EMILIN2: variants seen among roughly 807,000 people sequenced by gnomAD.
EMILIN2 encodes EMILIN-2.
EMILIN2 carries 71 observed loss-of-function variants against 87.1 expected under a neutral mutation model. The ratio of observed to expected loss-of-function variants is 0.82; its 90% CI spans 0.67 to 0.99. EMILIN2 has a LOEUF of 0.99. EMILIN2 is among the 50% of genes least tolerant of loss of function. The probability of loss-of-function intolerance (pLI) is 0.00; values close to 1 mark genes in which losing one functional copy is unlikely to be tolerated. For missense variants in EMILIN2, 1,407 were observed against 1,371.8 expected (o/e 1.03, Z -0.40); for synonymous variants, 581 against 563.4 (o/e 1.03, Z -0.44).
chr18:2,903,095 G>A (rs2076895277), intron 4 of EMILIN2, among the ~76,000 whole-genome samples: 2 of 150,836 alleles, frequency 1.3e-5, no homozygotes, highest in South Asian at 2.1e-4. Flanking sequence ...GGGCTAAAAG[G>A]AAGAAACTAG....
intron 2 of EMILIN2, 30 bp from the exon 3 acceptor site, chr18:2,884,934 A>AT (rs1424507575): frequency 6.4e-7 from 1 of 1,550,554 alleles, no homozygotes; most frequent in African/African-American, 1.4e-5. Context: ...GGCAGCCAGT[A>AT]AAGAGAGATG....
rs753356543 is a variant in EMILIN2 at position 2,913,170 on chromosome 18, C to T, written c.2928C>T (p.Ser976=). 17 of 1,613,908 alleles carry T rather than the reference C, an allele frequency of 1.1e-5. 1 individual carries two copies. The South Asian group carries it at 1.3e-4, about 13-fold the overall frequency. ...CAGTGCTGTCGGTCTCCAACGCCAGCGTGGCCCAGCTGCATACCGCTGGGT... is the reference window on the plus strand; with the variant it reads ...CAGTGCTGTCGGTCTCCAACGCCAGTGTGGCCCAGCTGCATACCGCTGGGT... The part of the protein sequence containing the change: ...VEAVLSVSNA[S]VAQLHTAGYR... Residue 976 remains serine, a synonymous_variant, in exon 8 of 8, where the codon AGC becomes AGT. Coordinates refer to ENST00000254528, the MANE Select transcript of EMILIN2 (RefSeq NM_032048.3).
intron 2 of EMILIN2, among the ~76,000 whole-genome samples, chr18:2,862,042 A>G (rs1208829415): frequency 1.3e-5 from 2 of 152,106 alleles, no homozygotes; most frequent in African/African-American, 4.8e-5. Flanking sequence ...TTTGTCTGTT[A>G]TTGGTGTATA....
At position 2,862,688 on chromosome 18, in the gene EMILIN2, T is replaced by C. The variant is rs182860776; in HGVS notation, c.257+14757T>C. Among the ~76,000 whole-genome samples, 774 of 152,326 alleles carry C rather than the reference T, an allele frequency of 5.1e-3. 8 individuals carry two copies. Among genetic ancestry groups the C allele is most frequent in the African/African-American group, 0.017 (708 of 41,564 alleles). Reference sequence around the variant, plus strand: ...ATATTGGTCTAAAATTCTCTTTTTTTTGTTGTGTCTCTGCCAGGTTTTGGT... The same window carrying C: ...ATATTGGTCTAAAATTCTCTTTTTTCTGTTGTGTCTCTGCCAGGTTTTGGT... On this transcript the variant is annotated intron_variant, in intron 2 of 7. Transcript: ENST00000254528.
At chr18:2,860,103 A>G (rs1455446798) in intron 2 of EMILIN2, among the ~76,000 whole-genome samples, 3 of 152,192 alleles carry the variant, frequency 2.0e-5, no homozygotes, top group Non-Finnish European at 4.4e-5. Flanking sequence ...AGTTCTGTGA[A>G]GAATGATGGT....
chr18:2,858,605 G>GTGTA lies in EMILIN2; in HGVS notation c.257+10675_257+10676insGTAT, dbSNP rs1555665480. Among the ~76,000 whole-genome samples the GTGTA allele has an allele frequency of 5.8e-5, 5 of 86,164 alleles. 1 individual carries two copies. Among genetic ancestry groups the GTGTA allele is most frequent in the East Asian group, 2.3e-4 (1 of 4,326 alleles). The allele number at this position is 86,164 out of a possible 152,430, so 56.5% of individuals were successfully genotyped here. On this transcript the variant is annotated intron_variant, in intron 2 of 7. Coordinates refer to ENST00000254528, the MANE Select transcript of EMILIN2 (RefSeq NM_032048.3). Reference sequence around the variant, plus strand: ...TGTGTATATATATATATATATATGTGTATATATATATATGTTCCACAGTTT... The same window carrying GTGTA: ...TGTGTATATATATATATATATATGTGTGTATATATATATATATGTTCCACAGTTT...
At chr18:2,900,427 A>G (rs528107909) in intron 4 of EMILIN2, among the ~76,000 whole-genome samples, 9 of 152,336 alleles carry the variant, frequency 5.9e-5, no homozygotes, top group South Asian at 4.1e-4. Flanking sequence ...GCCTCAAGCA[A>G]TCCTCCCACT....
rs570221710 is a variant in EMILIN2 at position 2,862,995 on chromosome 18, T to C, written c.257+15064T>C. Among the ~76,000 whole-genome samples, 11 of 152,374 alleles carry C rather than the reference T, an allele frequency of 7.2e-5. No individual in the cohort carries two copies. The South Asian group carries it at 1.9e-3, about 26-fold the overall frequency. ...ATTTATCCATTTCTTCTAGATTTTC[T>C]AGTTTATTTGCGTAGAGATGTTTAT... On this transcript the variant is annotated intron_variant, in intron 2 of 7. Coordinates refer to ENST00000254528, the MANE Select transcript of EMILIN2 (RefSeq NM_032048.3).
At chr18:2,884,866 G>A in intron 2 of EMILIN2, 98 bp from the exon 3 acceptor site, 1 of 1,315,158 alleles carries the variant, frequency 7.6e-7, no homozygotes, top group Non-Finnish European at 1.0e-6. Flanking sequence ...GAGCAGGCAG[G>A]GTCCTGCATG....
At chr18:2,867,138 A>T (rs897864262) in intron 2 of EMILIN2, among the ~76,000 whole-genome samples, 6 of 151,984 alleles carry the variant, frequency 3.9e-5, no homozygotes, top group African/African-American at 1.4e-4. Flanking sequence ...TTCATCAGGG[A>T]TATTGGTCTG....
intron 2 of EMILIN2, among the ~76,000 whole-genome samples, chr18:2,863,526 T>G (rs2076671646): frequency 6.6e-6 from 1 of 150,696 alleles, no homozygotes; most frequent in Non-Finnish European, 1.5e-5. Context: ...GTAGTTGAGC[T>G]GTTTTGAGTG....
chr18:2,904,685 C>T (rs1430550771), intron 4 of EMILIN2, among the ~76,000 whole-genome samples: 5 of 152,190 alleles, frequency 3.3e-5, no homozygotes, highest in Non-Finnish European at 7.4e-5. Context: ...TGTTTATTTT[C>T]TTGCACTGTG....
chr18:2,897,879 A>G (rs1256014159), intron 4 of EMILIN2, among the ~76,000 whole-genome samples: 1 of 150,038 alleles, frequency 6.7e-6, no homozygotes, highest in Non-Finnish European at 1.5e-5. Context: ...AAAAAAAAAA[A>G]GCCTAGAGAT....
Position 2,847,741 on chromosome 18 carries a change from C to G in EMILIN2, c.135-68C>G, listed in dbSNP as rs1252860089. 6.4e-7 allele frequency: 1 copy of G among 1,567,358 alleles called. No homozygotes were observed. On this transcript the variant is annotated intron_variant, in intron 1 of 7. Transcript: ENST00000254528. The surrounding 1 kb of genome is among the most constrained non-coding windows in gnomAD (Gnocchi z 4.5). ...TCGCTCGGTCTGGTGCCGCAGTCCC[C>G]TCTCCCCTGGCCTCATTGTTCTCCG... is the stretch of plus-strand genomic sequence containing the variant.
At chr18:2,872,385 G>GT (rs933591822) in intron 2 of EMILIN2, among the ~76,000 whole-genome samples, 1 of 152,046 alleles carries the variant, frequency 6.6e-6, no homozygotes, top group African/African-American at 2.4e-5. Flanking sequence ...TTTGAAATTG[G>GT]TTTTTTTAAA....
At chr18:2,867,045 A>T (rs925384576) in intron 2 of EMILIN2, among the ~76,000 whole-genome samples, 4 of 152,076 alleles carry the variant, frequency 2.6e-5, no homozygotes, top group African/African-American at 7.2e-5. Flanking sequence ...CTGGTATGAA[A>T]CCCACTTGAT....
At chr18:2,861,872 G>A (rs1362473385) in intron 2 of EMILIN2, among the ~76,000 whole-genome samples, 6 of 152,134 alleles carry the variant, frequency 3.9e-5, no homozygotes, top group African/African-American at 1.4e-4. Context: ...TGAGCATGGA[G>A]TGTTCTTCCA....
chr18:2,853,755 G>A (rs1260019099), intron 2 of EMILIN2, among the ~76,000 whole-genome samples: 1 of 152,168 alleles, frequency 6.6e-6, no homozygotes, highest in African/African-American at 2.4e-5. Context: ...CAGCCGGGCT[G>A]AGCACCCTGA....
In EMILIN2 at chr18:2,884,155, A is replaced by G. The variant is rs543219210; in HGVS notation, c.258-809A>G. ...GTATTTTTAGTAGAGACGGGGTTTC[A>G]CCGTGTTAGCCAGGATGGTCTCGAT... On this transcript the variant is annotated intron_variant, in intron 2 of 7. Coordinates refer to ENST00000254528, the MANE Select transcript of EMILIN2 (RefSeq NM_032048.3). 2.0e-5 allele frequency among the ~76,000 whole-genome samples: 3 copies of G among 152,236 alleles called. No individual in the cohort carries two copies. In the East Asian group the frequency reaches 5.8e-4, roughly 30 times the overall value.
Sources: allele counts gnomAD v4.1 joint callset (sites outside exome capture counted in the v4.1 genomes callset), GRCh38; gene constraint gnomAD v4.1.1; non-coding constraint Gnocchi (gnomAD v3.1); transcripts MANE v1.5; gene names NCBI Gene and HGNC (gene_info 2026-07-23, HGNC 2026-07-21).